The following SLC25A37 variants were observed in gnomAD, a reference collection of about 807,000 sequenced individuals.
The protein encoded by SLC25A37 is mitoferrin-1.
Under a neutral mutation model 31.0 loss-of-function variants are expected in SLC25A37, and 17 were observed. The observed-to-expected ratio is 0.55, with a 90% CI of 0.38 to 0.82. SLC25A37 has a LOEUF of 0.82. SLC25A37 is among the 40% of genes least tolerant of loss of function. The pLI, the probability that SLC25A37 is intolerant of heterozygous loss-of-function variation, is 0.00. For synonymous variants in SLC25A37, 222 were observed against 193.0 expected (o/e 1.15, Z -1.24); for missense variants, 404 against 465.8 (o/e 0.87, Z 1.22).
chr8:23,545,873 A>G (rs900572081), intron 1 of SLC25A37, among the ~76,000 whole-genome samples: 4 of 152,184 alleles, frequency 2.6e-5, no homozygotes, highest in Non-Finnish European at 5.9e-5. Context: ...GCGGTGGCTC[A>G]TGCCTGTAAT....
chr8:23,546,556 GTA>G (rs56169952), intron 1 of SLC25A37, among the ~76,000 whole-genome samples: 18,099 of 41,978 alleles, frequency 0.43, 1,931 homozygotes, highest in Non-Finnish European at 0.46. Context: ...TATATATAGT[GTA>G]TATATATATA....
chr8:23,536,707 G>A (rs1801776832), intron 1 of SLC25A37, among the ~76,000 whole-genome samples: 1 of 152,154 alleles, frequency 6.6e-6, no homozygotes, highest in South Asian at 2.1e-4. Flanking sequence ...CTGCCCTTCT[G>A]CCTCCTTCTG....
In SLC25A37 at chr8:23,571,780, C is replaced by T. The variant is rs776163238; in HGVS notation, c.942C>T (p.Ala314=). Residue 314 remains alanine (A), a synonymous_variant, in exon 4 of 4, where the codon GCC becomes GCT. Transcript: ENST00000519973. ...ARVIYQMPST[A]ISWSVYEFFK... ...TCATCTACCAGATGCCCTCCACCGC[C>T]ATTTCTTGGTCTGTCTATGAGTTCT... The T allele has an allele frequency of 2.4e-5, 38 of 1,613,962 alleles. No homozygotes were observed. Among genetic ancestry groups the T allele is most frequent in the Non-Finnish European group, 3.1e-5 (36 of 1,179,916 alleles).
intron 1 of SLC25A37, among the ~76,000 whole-genome samples, chr8:23,540,920 A>C (rs2872716): frequency 0.17 from 25,603 of 152,148 alleles, 3,739 homozygotes; most frequent in African/African-American, 0.39. Context: ...GTGCTAGGTC[A>C]TGGTATTTAT....
chr8:23,567,331 T>C (rs1237578328), intron 2 of SLC25A37: 1 of 152,212 alleles, frequency 6.6e-6, no homozygotes, highest in East Asian at 1.9e-4. Context: ...AGTGCATTTA[T>C]TGAGATGATC....
At chr8:23,566,071 CT>C in intron 1 of SLC25A37, 36 bp from the exon 2 acceptor site, 1 of 1,543,102 alleles carries the variant, frequency 6.5e-7, no homozygotes. Context: ...CTGATTAACT[CT>C]ATTTTTGTTT....
chr8:23,572,128 C>A lies in SLC25A37; in HGVS notation c.*273C>A. Reference sequence around the variant, plus strand: ...CCCTGGGCAGAATGTAGCTTTTCTGCTTCACTGTGGCAGCCTCCTCCCTGG... The same window carrying A: ...CCCTGGGCAGAATGTAGCTTTTCTGATTCACTGTGGCAGCCTCCTCCCTGG... On this transcript the variant is annotated 3_prime_UTR_variant, in exon 4 of 4. Transcript: ENST00000519973. 1 of 285,528 alleles carries A rather than the reference C, an allele frequency of 3.5e-6. No homozygotes were observed. Among genetic ancestry groups the A allele is most frequent in the East Asian group, 6.5e-5 (1 of 15,450 alleles). 17.7% of individuals were successfully genotyped at this position (285,528 alleles called of 1,614,324 possible).
At chr8:23,537,531 C>G (rs1801795663) in intron 1 of SLC25A37, among the ~76,000 whole-genome samples, 1 of 152,188 alleles carries the variant, frequency 6.6e-6, no homozygotes, top group South Asian at 2.1e-4. Context: ...TGGTCCTGCT[C>G]TTCAGCCTCC....
chr8:23,558,455 T>C (rs947431427), intron 1 of SLC25A37, among the ~76,000 whole-genome samples: 5 of 152,160 alleles, frequency 3.3e-5, no homozygotes, highest in Admixed American at 3.3e-4. Flanking sequence ...GTGGTCTCCC[T>C]AGGGCCATTG....
At position 23,555,304 on chromosome 8, in the gene SLC25A37, G is replaced by T. The variant is rs561708125; in HGVS notation, c.211-10804G>T. On this transcript the variant is annotated intron_variant, in intron 1 of 3. Transcript: ENST00000519973. ...TAGTGTAGAAGAGATTGTAGTGACAGCTCTAATTCTTACAGCTTGACATAC... is the reference window on the plus strand; with the variant it reads ...TAGTGTAGAAGAGATTGTAGTGACATCTCTAATTCTTACAGCTTGACATAC... Among the ~76,000 whole-genome samples, 4 of 152,300 alleles carry T rather than the reference G, an allele frequency of 2.6e-5. No homozygotes were observed. The East Asian group carries it at 7.7e-4, about 29-fold the overall frequency.
rs1309764109 is a variant in SLC25A37, at chr8:23,529,002, G to A, written c.-1G>A. ...CCTCCTGCGCCCCGCCGAGCTGGCGGATGGAGCTGCGCAGCGGGAGCGTGG... is the reference window on the plus strand; with the variant it reads ...CCTCCTGCGCCCCGCCGAGCTGGCGAATGGAGCTGCGCAGCGGGAGCGTGG... On this transcript the variant is annotated 5_prime_UTR_variant, in exon 1 of 4. Transcript: ENST00000519973. This position sits in a 1 kb window ranked among gnomAD's most constrained non-coding sequence, Gnocchi z 4.1. 11 of 1,505,746 alleles carry A rather than the reference G, an allele frequency of 7.3e-6. No individual in the cohort carries two copies. Among genetic ancestry groups the A allele is most frequent in the African/African-American group, 1.4e-5 (1 of 70,082 alleles). The allele number at this position is 1,505,746 out of a possible 1,614,324, so 93.3% of individuals were successfully genotyped here. A position where few individuals can be genotyped will look rare whatever the true frequency, so the allele number is the denominator to read the frequency against.
chr8:23,536,156 A>G (rs1801763755), intron 1 of SLC25A37, among the ~76,000 whole-genome samples: 1 of 152,080 alleles, frequency 6.6e-6, no homozygotes, highest in South Asian at 2.1e-4. Context: ...TTCCTGCTCC[A>G]TTGAGTTTTT....
chr8:23,566,667 G>A, intron 2 of SLC25A37: 1 of 1,037,868 alleles, frequency 9.6e-7, no homozygotes, highest in South Asian at 3.7e-5. Context: ...TTAATGATCA[G>A]ACATAGGAGA....
chr8:23,540,362 G>C (rs769810755), intron 1 of SLC25A37, among the ~76,000 whole-genome samples: 9 of 152,166 alleles, frequency 5.9e-5, no homozygotes, highest in Non-Finnish European at 1.3e-4. Context: ...ATATGAGAAA[G>C]GGCTGAGATT....
chr8:23,534,039 C>T (rs73228214), intron 1 of SLC25A37, among the ~76,000 whole-genome samples: 8,151 of 152,202 alleles, frequency 0.054, 320 homozygotes, highest in Non-Finnish European at 0.078. Context: ...CCTTGACCTC[C>T]CAGGGCTTGA....
intron 3 of SLC25A37, 101 bp from the exon 4 acceptor site, chr8:23,571,234 T>C (rs1802820244): frequency 5.8e-6 from 8 of 1,385,536 alleles, no homozygotes; most frequent in Admixed American, 2.8e-5. Context: ...ACTGGCTTGT[T>C]TCTCTTTATG....
At chr8:23,548,539 C>T (rs536816450) in intron 1 of SLC25A37, among the ~76,000 whole-genome samples, 1 of 144,032 alleles carries the variant, frequency 6.9e-6, no homozygotes, top group Non-Finnish European at 1.5e-5. Flanking sequence ...GGCGCAATGT[C>T]GGCTCACTGT....
At chr8:23,568,674 C>G (rs953096755) in intron 3 of SLC25A37, 12 of 398,828 alleles carry the variant, frequency 3.0e-5, no homozygotes, top group East Asian at 2.6e-4. Flanking sequence ...GGTGCAGTGG[C>G]TCATGCCTGT....
intron 2 of SLC25A37, chr8:23,567,993 C>T: frequency 2.4e-6 from 1 of 409,800 alleles, no homozygotes. Flanking sequence ...GAGTTAACAT[C>T]TAGACAGTGG....
Sources: allele counts gnomAD v4.1 joint callset (sites outside exome capture counted in the v4.1 genomes callset), GRCh38; gene constraint gnomAD v4.1.1; non-coding constraint Gnocchi (gnomAD v3.1); transcripts MANE v1.5; gene names NCBI Gene and HGNC (gene_info 2026-07-23, HGNC 2026-07-21).